The following OTOP2 variants were observed in gnomAD, a reference collection of about 807,000 sequenced individuals.
OTOP2 encodes proton channel OTOP2.
In OTOP2, 41 loss-of-function variants were observed where a neutral mutation model predicts 47.4. That is an observed-to-expected ratio of 0.87 (90% CI 0.67 to 1.12). The LOEUF (loss-of-function observed/expected upper bound fraction) is 1.12. Ranked by LOEUF, OTOP2 falls within the 50% of genes most tolerant of loss-of-function variation. OTOP2 has a pLI of 0.00. For missense variants in OTOP2, 721 were observed against 752.2 expected (o/e 0.96, Z 0.49); for synonymous variants, 328 against 319.6 (o/e 1.03, Z -0.28).
intron 6 of OTOP2, among the ~76,000 whole-genome samples, chr17:74,932,940 G>A (rs896383061): frequency 3.9e-5 from 6 of 152,084 alleles, no homozygotes; most frequent in Non-Finnish European, 8.8e-5. Context: ...CTGGGGTGGG[G>A]TGGCCTTCTG....
Position 74,930,428 on chromosome 17 carries a change from GT to G in OTOP2, c.794del (p.Val265GlyfsTer50). The G allele has an allele frequency of 3.7e-6, 6 of 1,614,174 alleles. No individual in the cohort carries two copies. Among genetic ancestry groups the G allele is most frequent in the Non-Finnish European group, 5.1e-6 (6 of 1,180,016 alleles). On this transcript the variant is annotated frameshift_variant, in exon 6 of 7. Transcript: ENST00000331427. LOFTEE classifies it high-confidence loss of function. This position sits in a 1 kb window ranked among gnomAD's most constrained non-coding sequence, Gnocchi z 4.0. ...CATGCTGTATGTCATGTGGAAGAAT[GT>G]GGGTAGATTCCTGGCCTCCACCCCT... Reference protein sequence around the residue: ...STMLYVMWKNVGRFLASTPGH... With the variant: ...STMLYVMWKNXGRFLASTPGH...
At position 74,924,602 on chromosome 17, in the gene OTOP2, A is replaced by G; in HGVS notation, c.-31A>G. On this transcript the variant is annotated splice_region_variant and 5_prime_UTR_variant, in exon 2 of 7. Transcript: ENST00000331427. The surrounding 1 kb of genome is among the most constrained non-coding windows in gnomAD (Gnocchi z 7.7). ...TTTTGTCCGCTCCTCCCCTACAGTG[A>G]TCCCTCTAGCCTTCTCCAGTCGCCT... 6.6e-7 allele frequency: 1 copy of G among 1,506,178 alleles called. No homozygotes were observed. The highest frequency in any genetic ancestry group is 8.8e-7 in the Non-Finnish European group (1 of 1,132,346). 93.3% of individuals were successfully genotyped at this position (1,506,178 alleles called of 1,614,324 possible).
chr17:74,933,227 G>A lies in OTOP2; in HGVS notation c.1519-148G>A, dbSNP rs2039074759. ...GTGCTAGGTCCTGTCCAAAATGCTAGAGCTGCCCATTCACTGACACCCAGC... is the reference window on the plus strand; with the variant it reads ...GTGCTAGGTCCTGTCCAAAATGCTAAAGCTGCCCATTCACTGACACCCAGC... On this transcript the variant is annotated intron_variant, in intron 6 of 6. Coordinates refer to ENST00000331427, the MANE Select transcript of OTOP2 (RefSeq NM_178160.3). This position sits in a 1 kb window ranked among gnomAD's most constrained non-coding sequence, Gnocchi z 4.7. The A allele has an allele frequency of 2.1e-6, 2 of 947,232 alleles. No homozygotes were observed. Among genetic ancestry groups the A allele is most frequent in the Admixed American group, 2.3e-5 (1 of 43,624 alleles). 58.7% of individuals were successfully genotyped at this position (947,232 alleles called of 1,614,324 possible). A position where few individuals can be genotyped will look rare whatever the true frequency, so the allele number is the denominator to read the frequency against.
rs1328575894 is a variant in OTOP2, at chr17:74,925,615, T to C, written c.373T>C (p.Tyr125His). The change falls in exon 3 of 7, where the codon TAC becomes CAC. Residue 125 changes from tyrosine (Y) to histidine (H), a missense_variant. By Grantham distance (83) the Tyr-to-His change is moderately conservative. Coordinates refer to ENST00000331427, the MANE Select transcript of OTOP2 (RefSeq NM_178160.3). ...LIMDVFKTGY[Y>H]SSFFECQSAI... ...CATGGATGTCTTCAAGACCGGCTAC[T>C]ACTCCAGTTTCTTTGAGTGCCAGTC... 2.5e-6 allele frequency: 4 copies of C among 1,614,080 alleles called. No homozygotes were observed. Among genetic ancestry groups the C allele is most frequent in the Non-Finnish European group, 3.4e-6 (4 of 1,180,036 alleles).
Position 74,933,705 on chromosome 17 carries a change from T to C in OTOP2, c.*160T>C, listed in dbSNP as rs2039080660. 4.4e-6 allele frequency: 4 copies of C among 919,170 alleles called. No individual in the cohort carries two copies. Among genetic ancestry groups the C allele is most frequent in the Non-Finnish European group, 6.2e-6 (4 of 640,398 alleles). 56.9% of individuals were successfully genotyped at this position (919,170 alleles called of 1,614,324 possible). A position where few individuals can be genotyped will look rare whatever the true frequency, so the allele number is the denominator to read the frequency against. ...CAAAAGTTATTTTTCCAGGTTCAAT[T>C]TTTAAATCACAGTCAGGACAGGCCC... is the stretch of plus-strand genomic sequence containing the variant. On this transcript the variant is annotated 3_prime_UTR_variant, in exon 7 of 7. Coordinates refer to ENST00000331427, the MANE Select transcript of OTOP2 (RefSeq NM_178160.3). This position sits in a 1 kb window ranked among gnomAD's most constrained non-coding sequence, Gnocchi z 4.7.
At chr17:74,928,071 A>T (rs372013683) in intron 5 of OTOP2, 15 of 433,482 alleles carry the variant, frequency 3.5e-5, no homozygotes, top group Admixed American at 1.6e-4. Context: ...GACCAGGTGC[A>T]GTGGCTCATG....
At chr17:74,928,627 G>A (rs902749512) in intron 5 of OTOP2, among the ~76,000 whole-genome samples, 2 of 152,210 alleles carry the variant, frequency 1.3e-5, no homozygotes, top group Non-Finnish European at 2.9e-5. Flanking sequence ...CCATTCCCAT[G>A]CATAGGTGCA....
chr17:74,933,662 C>T lies in OTOP2; in HGVS notation c.*117C>T. ...ATATGACAGCCCATTTCCTTCTGGT[C>T]CCAGAGTGGAATTTTCACAAAAGTT... On this transcript the variant is annotated 3_prime_UTR_variant, in exon 7 of 7. Transcript: ENST00000331427. This position sits in a 1 kb window ranked among gnomAD's most constrained non-coding sequence, Gnocchi z 4.7. 1 of 1,218,072 alleles carries T rather than the reference C, an allele frequency of 8.2e-7. No homozygotes were observed. The highest frequency in any genetic ancestry group is 1.1e-6 in the Non-Finnish European group (1 of 903,768). 75.5% of individuals were successfully genotyped at this position (1,218,072 alleles called of 1,614,324 possible). A position where few individuals can be genotyped will look rare whatever the true frequency, so the allele number is the denominator to read the frequency against.
chr17:74,933,796 T>C lies in OTOP2; in HGVS notation c.*251T>C, dbSNP rs777279876. 4.8e-5 allele frequency: 20 copies of C among 416,084 alleles called. No individual in the cohort carries two copies. Among genetic ancestry groups the C allele is most frequent in the Non-Finnish European group, 7.7e-5 (18 of 232,360 alleles). 25.8% of individuals were successfully genotyped at this position (416,084 alleles called of 1,614,324 possible). On this transcript the variant is annotated 3_prime_UTR_variant, in exon 7 of 7. Coordinates refer to ENST00000331427, the MANE Select transcript of OTOP2 (RefSeq NM_178160.3). The surrounding 1 kb of genome is among the most constrained non-coding windows in gnomAD (Gnocchi z 4.7). ...AAGGGAGACCTCTCCTGGCAGCATTTCTAGGACCCAACAAGATCTGGAGGT... is the reference window on the plus strand; with the variant it reads ...AAGGGAGACCTCTCCTGGCAGCATTCCTAGGACCCAACAAGATCTGGAGGT...
In OTOP2 at chr17:74,933,595, G is replaced by A; in HGVS notation, c.*50G>A. ...CAGGAAGAGGGGGCTCAGCTCATGT[G>A]CCCACTCAGACACCCTCTGGGAATG... is the stretch of plus-strand genomic sequence containing the variant. On this transcript the variant is annotated 3_prime_UTR_variant, in exon 7 of 7. Coordinates refer to ENST00000331427, the MANE Select transcript of OTOP2 (RefSeq NM_178160.3). This position sits in a 1 kb window ranked among gnomAD's most constrained non-coding sequence, Gnocchi z 4.7. 1 of 1,525,798 alleles carries A rather than the reference G, an allele frequency of 6.6e-7. No individual in the cohort carries two copies. Among genetic ancestry groups the A allele is most frequent in the Non-Finnish European group, 8.9e-7 (1 of 1,123,188 alleles). The allele number at this position is 1,525,798 out of a possible 1,614,324, so 94.5% of individuals were successfully genotyped here. A position where few individuals can be genotyped will look rare whatever the true frequency, so the allele number is the denominator to read the frequency against.
At chr17:74,928,561 G>A (rs1055658842) in intron 5 of OTOP2, among the ~76,000 whole-genome samples, 1 of 152,144 alleles carries the variant, frequency 6.6e-6, no homozygotes, top group East Asian at 1.9e-4. Flanking sequence ...ACTGTGCTGA[G>A]TGTCTTAAAC....
At chr17:74,927,972 GA>G in intron 5 of OTOP2, 174 bp downstream of exon 5, 1 of 865,576 alleles carries the variant, frequency 1.2e-6, no homozygotes, top group Non-Finnish European at 1.7e-6. Context: ...GGTGACCCCA[GA>G]AGGGAAGTAT....
At position 74,930,075 on chromosome 17, in the gene OTOP2, T is replaced by G. The variant is rs1167253540; in HGVS notation, c.644-204T>G. 6.6e-6 allele frequency among the ~76,000 whole-genome samples: 1 copy of G among 151,926 alleles called. No homozygotes were observed. The highest frequency in any genetic ancestry group is 1.5e-5 in the Non-Finnish European group (1 of 67,962). On this transcript the variant is annotated intron_variant, in intron 5 of 6. Transcript: ENST00000331427. This position sits in a 1 kb window ranked among gnomAD's most constrained non-coding sequence, Gnocchi z 4.0. ...ACAGGTGCCTGTAATCCCAGCTACT[T>G]GGGAGGCTGAGGCAGGAGAATGGCT...
chr17:74,930,796 C>G lies in OTOP2; in HGVS notation c.1161C>G (p.Ile387Met), dbSNP rs768510937. ...LGQYAISYYS[I>M]VAVVAGTPQD... Reference sequence around the variant, plus strand: ...AGTACGCCATCTCTTACTACTCCATCGTGGCTGTGGTGGCGGGCACACCCC... The same window carrying G: ...AGTACGCCATCTCTTACTACTCCATGGTGGCTGTGGTGGCGGGCACACCCC... Residue 387 changes from isoleucine to methionine, a missense_variant, in exon 6 of 7, where the codon ATC becomes ATG. Transcript: ENST00000331427. The surrounding 1 kb of genome is among the most constrained non-coding windows in gnomAD (Gnocchi z 4.0). 6.2e-7 allele frequency: 1 copy of G among 1,614,152 alleles called. No individual in the cohort carries two copies. The highest frequency in any genetic ancestry group is 1.7e-5 in the Admixed American group (1 of 60,024).
At position 74,924,435 on chromosome 17, in the gene OTOP2, G is replaced by A. The variant is rs949932680; in HGVS notation, c.-34+102G>A. ...TCTCCTTTCTTCCCATCCAGCGAGA[G>A]GGGCAGGTTCCGCATTTTCTCTTCC... On this transcript the variant is annotated intron_variant, in intron 1 of 6. Coordinates refer to ENST00000331427, the MANE Select transcript of OTOP2 (RefSeq NM_178160.3). This position sits in a 1 kb window ranked among gnomAD's most constrained non-coding sequence, Gnocchi z 7.7. 2 of 595,126 alleles carry A rather than the reference G, an allele frequency of 3.4e-6. No homozygotes were observed. The highest frequency in any genetic ancestry group is 3.1e-5 in the East Asian group (1 of 32,704). 36.9% of individuals were successfully genotyped at this position (595,126 alleles called of 1,614,324 possible). A position where few individuals can be genotyped will look rare whatever the true frequency, so the allele number is the denominator to read the frequency against.
intron 5 of OTOP2, among the ~76,000 whole-genome samples, chr17:74,929,771 C>T (rs1159222726): frequency 6.6e-6 from 1 of 152,236 alleles, no homozygotes; most frequent in Non-Finnish European, 1.5e-5. Flanking sequence ...CTCTGGCACA[C>T]AGTAGGTGCT....
In OTOP2 at chr17:74,924,551, G is replaced by A. The variant is rs1052456874; in HGVS notation, c.-33-49G>A. ...CAAGTCTAGGGATGAGATGGGGGAAGGAGAGCCGTCAGGGTTGACCTGGAG... is the reference window on the plus strand; with the variant it reads ...CAAGTCTAGGGATGAGATGGGGGAAAGAGAGCCGTCAGGGTTGACCTGGAG... On this transcript the variant is annotated intron_variant, in intron 1 of 6. Transcript: ENST00000331427. The surrounding 1 kb of genome is among the most constrained non-coding windows in gnomAD (Gnocchi z 7.7). The A allele has an allele frequency of 2.1e-6, 3 of 1,413,748 alleles. No individual in the cohort carries two copies. Among genetic ancestry groups the A allele is most frequent in the Non-Finnish European group, 2.8e-6 (3 of 1,076,968 alleles). The allele number at this position is 1,413,748 out of a possible 1,614,324, so 87.6% of individuals were successfully genotyped here.
intron 4 of OTOP2, 165 bp from the exon 5 acceptor site, chr17:74,927,500 T>A (rs552849216): frequency 1.8e-6 from 2 of 1,118,128 alleles, no homozygotes; most frequent in South Asian, 3.1e-5. Context: ...CTCCTAGCCC[T>A]CTCTTTGGTG....
In OTOP2 at chr17:74,930,394, C is replaced by T. The variant is rs772775488; in HGVS notation, c.759C>T (p.Phe253=). The T allele has an allele frequency of 2.3e-5, 37 of 1,614,182 alleles. No individual in the cohort carries two copies. The highest frequency in any genetic ancestry group is 4.0e-5 in the African/African-American group (3 of 75,040). ...LYPFNIEYSL[F]ASTMLYVMWK... is the part of the protein sequence containing the mutation. The stretch of plus-strand genomic sequence containing the variant: ...CCTTCAACATCGAGTACAGCCTCTT[C>T]GCCTCCACCATGCTGTATGTCATGT... The change falls in exon 6 of 7, where the codon TTC becomes TTT. Residue 253 remains phenylalanine (F), a synonymous_variant. Coordinates refer to ENST00000331427, the MANE Select transcript of OTOP2 (RefSeq NM_178160.3). This position sits in a 1 kb window ranked among gnomAD's most constrained non-coding sequence, Gnocchi z 4.0.
Sources: allele counts gnomAD v4.1 joint callset (sites outside exome capture counted in the v4.1 genomes callset), GRCh38; gene constraint gnomAD v4.1.1; non-coding constraint Gnocchi (gnomAD v3.1); transcripts MANE v1.5; gene names NCBI Gene and HGNC (gene_info 2026-07-23, HGNC 2026-07-21).